Variants in RBFOX1 observed in about 807,000 individuals in gnomAD.
RBFOX1 encodes RNA binding protein fox-1 homolog 1.
Under a neutral mutation model 57.7 loss-of-function variants are expected in RBFOX1, and 8 were observed. The ratio of observed to expected loss-of-function variants is 0.14; its 90% confidence interval spans 0.08 to 0.25. The LOEUF is 0.25. RBFOX1 is among the 10% of genes least tolerant of loss of function. The pLI is 1.00. For synonymous variants in RBFOX1, 326 were observed against 222.4 expected (o/e 1.47, Z -4.15); for missense variants, 611 against 548.5 (o/e 1.11, Z -1.14).
chr16:7,300,883 T>G (rs550993616), intron 4 of RBFOX1, among the ~76,000 whole-genome samples: 1 of 152,224 alleles, frequency 6.6e-6, no homozygotes, highest in East Asian at 1.9e-4. Flanking sequence ...GTATAACCAT[T>G]CCATTAAGGG....
At chr16:5,402,624 G>T (rs1018713243) in intron 1 of RBFOX1, among the ~76,000 whole-genome samples, 1 of 152,108 alleles carries the variant, frequency 6.6e-6, no homozygotes, top group African/African-American at 2.4e-5. Flanking sequence ...CATATGATTC[G>T]CAAGTAATTA....
rs184593326 is a variant in RBFOX1 at position 5,301,335 on chromosome 16, T to G, written c.219+61230T>G. Among the ~76,000 whole-genome samples, 784 of 151,832 alleles carry G rather than the reference T, an allele frequency of 5.2e-3. 1 individual carries two copies. The highest frequency in any genetic ancestry group is 0.038 in the Middle Eastern group (11 of 292). On this transcript the variant is annotated intron_variant, in intron 1 of 2. Transcript: ENST00000585867. The stretch of plus-strand genomic sequence containing the variant: ...CTTCCAACAGCTATATAAGTGAGCT[T>G]AGGGCTAGGTGCGGTGGCTCATGCC...
intron 3 of RBFOX1, among the ~76,000 whole-genome samples, chr16:5,814,720 A>C (rs2055562526): frequency 6.6e-6 from 1 of 152,142 alleles, no homozygotes; most frequent in East Asian, 1.9e-4. Context: ...TGAGGTCAGG[A>C]GATCGAGACC....
In RBFOX1 at chr16:6,210,348, A is replaced by AGC. The variant is rs369339639; in HGVS notation, c.-126-106647_-126-106646insGC. ...AAAAAACAAAAAAACAAAAAAACAA[A>AGC]AAAAAAAAACACCAAAAAAAAAAAA... is the stretch of plus-strand genomic sequence containing the variant. On this transcript the variant is annotated intron_variant, in intron 1 of 15. Transcript: ENST00000550418. 4.4e-4 allele frequency among the ~76,000 whole-genome samples: 45 copies of AGC among 101,964 alleles called. 2 individuals are homozygous for AGC. Among genetic ancestry groups the AGC allele is most frequent in the Non-Finnish European group, 7.7e-4 (37 of 48,306 alleles). 66.9% of individuals were successfully genotyped at this position (101,964 alleles called of 152,430 possible). A position where few individuals can be genotyped will look rare whatever the true frequency, so the allele number is the denominator to read the frequency against.
intron 3 of RBFOX1, among the ~76,000 whole-genome samples, chr16:7,027,164 C>A (rs1419496074): frequency 1.3e-5 from 2 of 152,178 alleles, no homozygotes; most frequent in African/African-American, 4.8e-5. Flanking sequence ...CCTTACGAGA[C>A]TGAGTGTTTC....
chr16:6,808,500 C>T (rs545549392), intron 3 of RBFOX1, among the ~76,000 whole-genome samples: 1 of 152,202 alleles, frequency 6.6e-6, no homozygotes, highest in Non-Finnish European at 1.5e-5. Context: ...GAAAATAAAA[C>T]AGCACCATTA....
intron 1 of RBFOX1, among the ~76,000 whole-genome samples, chr16:5,413,780 C>T (rs965705173): frequency 6.6e-6 from 1 of 152,108 alleles, no homozygotes; most frequent in African/African-American, 2.4e-5. Context: ...GAAAAGAGTC[C>T]TAAAGGAGAC....
At chr16:7,081,890 A>G (rs1347797138) in intron 4 of RBFOX1, among the ~76,000 whole-genome samples, 1 of 152,132 alleles carries the variant, frequency 6.6e-6, no homozygotes, top group African/African-American at 2.4e-5. Flanking sequence ...TATTCCTTCC[A>G]GGCAGTGGAG....
At chr16:5,486,420 GA>G (rs2042629831) in intron 2 of RBFOX1, among the ~76,000 whole-genome samples, 1 of 152,208 alleles carries the variant, frequency 6.6e-6, no homozygotes, top group Non-Finnish European at 1.5e-5. Flanking sequence ...TTTCCCAGCA[GA>G]CATCAGTATT....
chr16:5,890,187 A>G (rs764518151), intron 4 of RBFOX1, among the ~76,000 whole-genome samples: 4 of 152,176 alleles, frequency 2.6e-5, no homozygotes, highest in Non-Finnish European at 5.9e-5. Flanking sequence ...CTTAAGTACG[A>G]TACTGTACCT....
chr16:6,934,230 C>A (rs964492238), intron 3 of RBFOX1, among the ~76,000 whole-genome samples: 1 of 152,180 alleles, frequency 6.6e-6, no homozygotes, highest in Admixed American at 6.5e-5. Flanking sequence ...AACTACAGAG[C>A]GGTAACTTGA....
chr16:6,114,994 G>A (rs2096483869), intron 1 of RBFOX1, among the ~76,000 whole-genome samples: 1 of 152,118 alleles, frequency 6.6e-6, no homozygotes, highest in Non-Finnish European at 1.5e-5. Flanking sequence ...ACTGAGGGGT[G>A]GGTTATTTAG....
At chr16:7,043,258 A>G (rs955804940) in intron 3 of RBFOX1, among the ~76,000 whole-genome samples, 1 of 152,092 alleles carries the variant, frequency 6.6e-6, no homozygotes, top group Non-Finnish European at 1.5e-5. Flanking sequence ...CACCCCTGGA[A>G]CCCTGTTTTT....
At chr16:6,743,604 A>G (rs1456230876) in intron 3 of RBFOX1, among the ~76,000 whole-genome samples, 2 of 151,676 alleles carry the variant, frequency 1.3e-5, no homozygotes, top group Non-Finnish European at 1.5e-5. Context: ...TGAAGTGAGC[A>G]TGGTGGTGCA....
intron 3 of RBFOX1, among the ~76,000 whole-genome samples, chr16:5,818,799 C>G (rs1040058649): frequency 6.6e-6 from 1 of 152,088 alleles, no homozygotes; most frequent in African/African-American, 2.4e-5. Flanking sequence ...ATCCCTGTGT[C>G]CATTATGTTC....
intron 3 of RBFOX1, among the ~76,000 whole-genome samples, chr16:6,683,638 AG>A (rs2059001660): frequency 6.6e-6 from 1 of 152,214 alleles, no homozygotes; most frequent in Non-Finnish European, 1.5e-5. Flanking sequence ...CAAACTGCAT[AG>A]ACCAAATGGC....
chr16:5,717,223 T>G (rs1203390389), intron 3 of RBFOX1, among the ~76,000 whole-genome samples: 1 of 152,156 alleles, frequency 6.6e-6, no homozygotes, highest in Non-Finnish European at 1.5e-5. Context: ...TTATGGTTGT[T>G]TTCAAAAGGA....
intron 3 of RBFOX1, among the ~76,000 whole-genome samples, chr16:6,971,992 G>T (rs534126254): frequency 2.9e-4 from 44 of 152,274 alleles, no homozygotes; most frequent in African/African-American, 1.0e-3. Context: ...ATCCCTGCAC[G>T]CAAGTTTTAC....
At chr16:6,283,369 C>G (rs1243947659) in intron 1 of RBFOX1, among the ~76,000 whole-genome samples, 1 of 152,060 alleles carries the variant, frequency 6.6e-6, no homozygotes, top group Non-Finnish European at 1.5e-5. Context: ...TATCCTTAAG[C>G]CTAGCCATTC....
Sources: allele counts gnomAD v4.1 joint callset (sites outside exome capture counted in the v4.1 genomes callset), GRCh38; gene constraint gnomAD v4.1.1; transcripts MANE v1.5; gene names NCBI Gene and HGNC (gene_info 2026-07-23, HGNC 2026-07-21).